SOST: variants seen among roughly 807,000 people sequenced by gnomAD.
The protein encoded by SOST is sclerostin.
Under a neutral mutation model 16.7 loss-of-function variants are expected in SOST, and 14 were observed. That is an observed-to-expected ratio of 0.84 (90% CI 0.55 to 1.31). SOST has a LOEUF of 1.31. Among genes scored for constraint, SOST ranks in the 50% most tolerant of loss-of-function variants. The pLI is 0.00. For synonymous variants in SOST, 150 were observed against 140.9 expected (o/e 1.06, Z -0.46); for missense variants, 291 against 310.7 (o/e 0.94, Z 0.48).
In SOST at chr17:43,755,159, G is replaced by A; in HGVS notation, c.*183C>T. 1 of 558,516 alleles carries A rather than the reference G, an allele frequency of 1.8e-6. No individual in the cohort carries two copies. Among genetic ancestry groups the A allele is most frequent in the Non-Finnish European group, 3.0e-6 (1 of 335,340 alleles). 34.6% of individuals were successfully genotyped at this position (558,516 alleles called of 1,614,324 possible). On this transcript the variant is annotated 3_prime_UTR_variant, in exon 2 of 2. Transcript: ENST00000301691. The surrounding 1 kb of genome is among the most constrained non-coding windows in gnomAD (Gnocchi z 4.3). ...TGCCCCGTGGGACCCCTCAGCTGGC[G>A]GGCTGAGGGGGGCCTTGCCGGCGCC... is the stretch of plus-strand genomic sequence containing the variant.
chr17:43,754,400 T>A lies in SOST; in HGVS notation c.*942A>T, dbSNP rs1032090331. On this transcript the variant is annotated 3_prime_UTR_variant, in exon 2 of 2. Transcript: ENST00000301691. ...GAAGTTGGGGCGGATGTGATTTCTATCCCTCCCACCACCCTCGGACCCTCT... is the reference window on the plus strand; with the variant it reads ...GAAGTTGGGGCGGATGTGATTTCTAACCCTCCCACCACCCTCGGACCCTCT... The A allele has an allele frequency of 3.4e-4, 52 of 152,196 alleles. No homozygotes were observed. The highest frequency in any genetic ancestry group is 1.2e-3 in the African/African-American group (51 of 41,510). 9.4% of individuals were successfully genotyped at this position (152,196 alleles called of 1,614,324 possible).
rs1433615680 is a variant in SOST, at chr17:43,755,406, C to T, written c.578G>A (p.Arg193Gln). The T allele has an allele frequency of 2.5e-6, 4 of 1,592,306 alleles. No homozygotes were observed. In the African/African-American group the frequency reaches 5.4e-5, roughly 22 times the overall value. ...GCTCCGGGCGCGGGGCCGCGGCTTC[C>T]GGCCCTTCTGCGGCCGAGCGGCCTC... is the stretch of plus-strand genomic sequence containing the variant. ...GTEAARPQKG[R>Q]KPRPRARSAK... The change falls in exon 2 of 2, where the codon CGG becomes CAG. Residue 193 changes from arginine (R) to glutamine (Q), a missense_variant. By Grantham distance (43) the Arg-to-Gln change is conservative. Transcript: ENST00000301691. This position sits in a 1 kb window ranked among gnomAD's most constrained non-coding sequence, Gnocchi z 4.3.
At position 43,758,760 on chromosome 17, in the gene SOST, G is replaced by T; in HGVS notation, c.-19C>A. ...GCTGCATGGTACCAGCCAGAGGAGG[G>T]CACGCCACCTTCCAGTAGCACAGGC... On this transcript the variant is annotated 5_prime_UTR_variant, in exon 1 of 2. Coordinates refer to ENST00000301691, the MANE Select transcript of SOST (RefSeq NM_025237.3). 6.3e-7 allele frequency: 1 copy of T among 1,599,998 alleles called. No homozygotes were observed. The highest frequency in any genetic ancestry group is 8.5e-7 in the Non-Finnish European group (1 of 1,170,204).
In SOST at chr17:43,755,127, C is replaced by T; in HGVS notation, c.*215G>A. On this transcript the variant is annotated 3_prime_UTR_variant, in exon 2 of 2. Coordinates refer to ENST00000301691, the MANE Select transcript of SOST (RefSeq NM_025237.3). This position sits in a 1 kb window ranked among gnomAD's most constrained non-coding sequence, Gnocchi z 4.3. ...GCTCAGTGTCTGTGACTCTCAATTC[C>T]CTCCCCTGCCCCGTGGGACCCCTCA... The T allele has an allele frequency of 3.9e-6, 2 of 518,784 alleles. No homozygotes were observed. The highest frequency in any genetic ancestry group is 3.2e-5 in the South Asian group (1 of 31,610). 32.1% of individuals were successfully genotyped at this position (518,784 alleles called of 1,614,324 possible). A position where few individuals can be genotyped will look rare whatever the true frequency, so the allele number is the denominator to read the frequency against.
At position 43,755,350 on chromosome 17, in the gene SOST, C is replaced by T; in HGVS notation, c.634G>A (p.Ala212Thr). Residue 212 changes from alanine to threonine, a missense_variant, in exon 2 of 2, where the codon GCC becomes ACC. Physicochemically the swap from Ala to Thr is moderately conservative, Grantham distance 58. Coordinates refer to ENST00000301691, the MANE Select transcript of SOST (RefSeq NM_025237.3). This position sits in a 1 kb window ranked among gnomAD's most constrained non-coding sequence, Gnocchi z 4.3. The stretch of plus-strand genomic sequence containing the variant: ...AGGGGCGCGGGCGGGCTCTAGTAGG[C>T]GTTCTCCAGCTCGGCCTGGTTGGCT... ...AKANQAELENAY is the reference protein window; with the variant it reads ...AKANQAELENTY The T allele has an allele frequency of 6.3e-7, 1 of 1,582,374 alleles. No homozygotes were observed.
chr17:43,758,462 G>A, intron 1 of SOST, 60 bp downstream of exon 1: 1 of 1,363,802 alleles, frequency 7.3e-7, no homozygotes, highest in Non-Finnish European at 1.0e-6. Flanking sequence ...GCCTCCCAAA[G>A]AGAAGTTTCT....
chr17:43,755,939 T>C lies in SOST; in HGVS notation c.221-176A>G, dbSNP rs1366373517. 2.6e-5 allele frequency among the ~76,000 whole-genome samples: 4 copies of C among 152,242 alleles called. No homozygotes were observed. Among genetic ancestry groups the C allele is most frequent in the African/African-American group, 9.6e-5 (4 of 41,460 alleles). ...CTCTAGAGCTGGTGGAAAGCTCTCC[T>C]GCGCACCCTGTCCCCTCGGAGCCAA... On this transcript the variant is annotated intron_variant, in intron 1 of 1. Transcript: ENST00000301691. The surrounding 1 kb of genome is among the most constrained non-coding windows in gnomAD (Gnocchi z 4.3).
intron 1 of SOST, 84 bp downstream of exon 1, chr17:43,758,438 C>A: frequency 9.1e-7 from 1 of 1,095,692 alleles, no homozygotes; most frequent in Non-Finnish European, 1.4e-6. Context: ...ACTGGGTCTA[C>A]CCCAGTCTTC....
At chr17:43,757,937 G>A (rs887026400) in intron 1 of SOST, among the ~76,000 whole-genome samples, 2 of 152,160 alleles carry the variant, frequency 1.3e-5, no homozygotes, top group African/African-American at 4.8e-5. Context: ...ACACACCAGG[G>A]CTATCTTGCA....
rs937651465 is a variant in SOST, at chr17:43,754,729, G to C, written c.*613C>G. The C allele has an allele frequency of 6.6e-6, 1 of 152,024 alleles. No individual in the cohort carries two copies. The highest frequency in any genetic ancestry group is 2.4e-5 in the African/African-American group (1 of 41,368). 9.4% of individuals were successfully genotyped at this position (152,024 alleles called of 1,614,324 possible). On this transcript the variant is annotated 3_prime_UTR_variant, in exon 2 of 2. Transcript: ENST00000301691. ...ACCTCTGCCCATTCAAAAGGCACTG[G>C]AGTCCTTGGAATCATATGCCAATAG...
chr17:43,757,806 A>T (rs764710484), intron 1 of SOST, among the ~76,000 whole-genome samples: 4 of 152,174 alleles, frequency 2.6e-5, no homozygotes, highest in Non-Finnish European at 4.4e-5. Context: ...AACTGTGCCG[A>T]AAACTCCCAT....
intron 1 of SOST, among the ~76,000 whole-genome samples, chr17:43,758,047 G>A (rs1974149869): frequency 6.6e-6 from 1 of 152,120 alleles, no homozygotes; most frequent in South Asian, 2.1e-4. Context: ...TTCACCTCCT[G>A]GGGATTCCAT....
At position 43,755,554 on chromosome 17, in the gene SOST, C is replaced by A; in HGVS notation, c.430G>T (p.Val144Leu). 6.3e-7 allele frequency: 1 copy of A among 1,594,692 alleles called. No homozygotes were observed. Among genetic ancestry groups the A allele is most frequent in the Non-Finnish European group, 8.5e-7 (1 of 1,176,388 alleles). ...CIPDRYRAQR[V>L]QLLCPGGEAP... ...TCACCACCGGGACACAGCAGCTGCA[C>A]GCGCTGCGCGCGGTAGCGGTCGGGG... The change falls in exon 2 of 2, where the codon GTG becomes TTG. Residue 144 changes from valine to leucine, a missense_variant. Coordinates refer to ENST00000301691, the MANE Select transcript of SOST (RefSeq NM_025237.3). This position sits in a 1 kb window ranked among gnomAD's most constrained non-coding sequence, Gnocchi z 4.3.
At position 43,755,373 on chromosome 17, in the gene SOST, G is replaced by A. The variant is rs1356372498; in HGVS notation, c.611C>T (p.Ala204Val). 1 of 1,588,264 alleles carries A rather than the reference G, an allele frequency of 6.3e-7. No individual in the cohort carries two copies. The highest frequency in any genetic ancestry group is 8.5e-7 in the Non-Finnish European group (1 of 1,175,906). ...KPRPRARSAK[A>V]NQAELENAY ...GGCGTTCTCCAGCTCGGCCTGGTTG[G>A]CTTTGGCGCTCCGGGCGCGGGGCCG... The change falls in exon 2 of 2, where the codon GCC becomes GTC. Residue 204 changes from alanine (A) to valine (V), a missense_variant. Coordinates refer to ENST00000301691, the MANE Select transcript of SOST (RefSeq NM_025237.3). This position sits in a 1 kb window ranked among gnomAD's most constrained non-coding sequence, Gnocchi z 4.3.
In SOST at chr17:43,755,289, G is replaced by A; in HGVS notation, c.*53C>T. ...CCACGCGCAGAGGACAGAAATGTGG[G>A]GCGCGGGTTCAGGGCCGGGGCGCCC... On this transcript the variant is annotated 3_prime_UTR_variant, in exon 2 of 2. Transcript: ENST00000301691. The surrounding 1 kb of genome is among the most constrained non-coding windows in gnomAD (Gnocchi z 4.3). 1.4e-6 allele frequency: 2 copies of A among 1,441,572 alleles called. No individual in the cohort carries two copies. The highest frequency in any genetic ancestry group is 1.5e-5 in the African/African-American group (1 of 67,696). 89.3% of individuals were successfully genotyped at this position (1,441,572 alleles called of 1,614,324 possible).
rs1482585716 is a variant in SOST at position 43,755,601 on chromosome 17, C to A, written c.383G>T (p.Ser128Ile). Residue 128 changes from serine to isoleucine, a missense_variant, in exon 2 of 2, where the codon AGT becomes ATT. Transcript: ENST00000301691. This position sits in a 1 kb window ranked among gnomAD's most constrained non-coding sequence, Gnocchi z 4.3. Reference protein sequence around the residue: ...AIGRGKWWRPSGPDFRCIPDR... With the variant: ...AIGRGKWWRPIGPDFRCIPDR... ...GGGGATGCAGCGGAAGTCGGGCCCACTAGGTCGCCACCACTTGCCGCGGCC... is the reference window on the plus strand; with the variant it reads ...GGGGATGCAGCGGAAGTCGGGCCCAATAGGTCGCCACCACTTGCCGCGGCC... 1.3e-6 allele frequency: 2 copies of A among 1,589,704 alleles called. No individual in the cohort carries two copies. Among genetic ancestry groups the A allele is most frequent in the Admixed American group, 1.7e-5 (1 of 58,802 alleles).
In SOST at chr17:43,758,571, G is replaced by C; in HGVS notation, c.171C>G (p.Asn57Lys). Residue 57 changes from asparagine (N) to lysine (K), a missense_variant, in exon 1 of 2, where the codon AAC becomes AAG. By Grantham distance (94) the Asn-to-Lys change is moderately conservative (BLOSUM62 0). Coordinates refer to ENST00000301691, the MANE Select transcript of SOST (RefSeq NM_025237.3). ...PPELENNKTMNRAENGGRPPH... is the reference protein window; with the variant it reads ...PPELENNKTMKRAENGGRPPH... ...GAGGCCGCCCTCCGTTCTCCGCCCG[G>C]TTCATGGTCTTGTTGTTCTCCAGCT... is the stretch of plus-strand genomic sequence containing the variant. 2 of 1,614,172 alleles carry C rather than the reference G, an allele frequency of 1.2e-6. No individual in the cohort carries two copies.
rs201150181 is a variant in SOST at position 43,758,640 on chromosome 17, C to T, written c.102G>A (p.Thr34=). The T allele has an allele frequency of 8.1e-6, 13 of 1,614,016 alleles. No individual in the cohort carries two copies. Among genetic ancestry groups the T allele is most frequent in the East Asian group, 4.5e-5 (2 of 44,880 alleles). Residue 34 remains threonine (T), a synonymous_variant, in exon 1 of 2, where the codon ACG becomes ACA. Transcript: ENST00000301691. ...QGWQAFKNDA[T]EIIPELGEYP... ...ACTCTCCGAGCTCGGGGATGATTTC[C>T]GTGGCATCATTCTTGAACGCCTGCC...
chr17:43,755,849 C>T lies in SOST; in HGVS notation c.221-86G>A. The T allele has an allele frequency of 6.8e-7, 1 of 1,460,270 alleles. No homozygotes were observed. The highest frequency in any genetic ancestry group is 9.2e-7 in the Non-Finnish European group (1 of 1,090,820). The allele number at this position is 1,460,270 out of a possible 1,614,324, so 90.5% of individuals were successfully genotyped here. On this transcript the variant is annotated intron_variant, in intron 1 of 1. Coordinates refer to ENST00000301691, the MANE Select transcript of SOST (RefSeq NM_025237.3). The surrounding 1 kb of genome is among the most constrained non-coding windows in gnomAD (Gnocchi z 4.3). ...CCCGTCTCTCTCCACCCCAGCCCTG[C>T]TTTTGCCAAGCCTGTCTCCAGAGGC...
Sources: allele counts gnomAD v4.1 joint callset (sites outside exome capture counted in the v4.1 genomes callset), GRCh38; gene constraint gnomAD v4.1.1; non-coding constraint Gnocchi (gnomAD v3.1); transcripts MANE v1.5; gene names NCBI Gene and HGNC (gene_info 2026-07-23, HGNC 2026-07-21).